Variants in S100Z observed in about 807,000 individuals in gnomAD.
The protein encoded by S100Z is protein S100-Z.
In S100Z, 11 loss-of-function variants were observed where a neutral mutation model predicts 8.5. The ratio of observed to expected loss-of-function variants is 1.30; its 90% CI spans 0.82 to 2.15. The LOEUF is 2.15. S100Z is among the 30% of genes most tolerant of loss of function. The probability of loss-of-function intolerance (pLI) is 0.00; values close to 1 mark genes in which losing one functional copy is unlikely to be tolerated. For missense variants in S100Z, 126 were observed against 117.9 expected (o/e 1.07, Z -0.32); for synonymous variants, 34 against 43.8 (o/e 0.78, Z 0.89).
At chr5:76,906,972 GTGTGTA>G (rs1278599842) in intron 4 of S100Z, among the ~76,000 whole-genome samples, 15 of 30,448 alleles carry the variant, frequency 4.9e-4, no homozygotes, top group African/African-American at 1.8e-3. Flanking sequence ...TCCATTGTGT[GTGTGTA>G]TATATATATA....
At chr5:76,924,864 G>A (rs912894136), downstream of S100Z, among the ~76,000 whole-genome samples, 39 of 151,668 alleles carry the variant, frequency 2.6e-4, no homozygotes, top group African/African-American at 9.2e-4. Flanking sequence ...GGTGAGCCAA[G>A]ATGGCGCCAC....
downstream of S100Z, among the ~76,000 whole-genome samples, chr5:76,922,669 A>G (rs930715272): frequency 5.3e-5 from 8 of 152,094 alleles, no homozygotes; most frequent in Middle Eastern, 3.4e-3. Context: ...GACTACAGGC[A>G]CCCGCTACCA....
chr5:76,866,890 A>G (rs560682054), intron 1 of S100Z, among the ~76,000 whole-genome samples: 1 of 152,342 alleles, frequency 6.6e-6, no homozygotes, highest in South Asian at 2.1e-4. Flanking sequence ...TATCCATTAC[A>G]GCATATGTAT....
chr5:76,930,750 T>C, the S100Z span, among the ~76,000 whole-genome samples: 68 of 152,274 alleles, frequency 4.5e-4, no homozygotes, highest in African/African-American at 1.5e-3. Flanking sequence ...TCAGCACTGA[T>C]GTTTTTGAGG....
intron 4 of S100Z, among the ~76,000 whole-genome samples, chr5:76,895,360 A>C (rs1743999413): frequency 6.6e-6 from 1 of 152,192 alleles, no homozygotes. Flanking sequence ...AATTATCTAA[A>C]GGAGGAGTTA....
At chr5:76,940,827 T>G in the S100Z span, among the ~76,000 whole-genome samples, 47 of 152,354 alleles carry the variant, frequency 3.1e-4, 1 homozygote, top group South Asian at 9.3e-3. Flanking sequence ...AGATACTCCA[T>G]TACATTTGCT....
intron 4 of S100Z, among the ~76,000 whole-genome samples, chr5:76,913,529 A>T (rs1744741018): frequency 1.3e-5 from 2 of 152,238 alleles, no homozygotes; most frequent in Admixed American, 1.3e-4. Context: ...ATATGGACTG[A>T]ACAAGGTTTT....
intron 1 of S100Z, among the ~76,000 whole-genome samples, chr5:76,862,869 C>A (rs1751106277): frequency 6.6e-6 from 1 of 152,132 alleles, no homozygotes; most frequent in Non-Finnish European, 1.5e-5. Flanking sequence ...GAGCTGCTTG[C>A]TCAAGTTCAC....
the S100Z span, among the ~76,000 whole-genome samples, chr5:76,942,445 C>CAAAAAAAAAAAA: frequency 7.1e-4 from 52 of 72,740 alleles, no homozygotes; most frequent in East Asian, 9.7e-4. Context: ...AAAAAAAAAG[C>CAAAAAAAAAAAA]AAAAACCTCT....
At chr5:76,885,665 T>G (rs1743592112) in intron 4 of S100Z, among the ~76,000 whole-genome samples, 1 of 141,658 alleles carries the variant, frequency 7.1e-6, no homozygotes, top group Non-Finnish European at 1.5e-5. Context: ...GGGAGGTGCT[T>G]GCCCCCCAGG....
intron 4 of S100Z, among the ~76,000 whole-genome samples, chr5:76,901,971 C>G (rs1405821792): frequency 1.3e-5 from 2 of 152,080 alleles, no homozygotes; most frequent in Non-Finnish European, 2.9e-5. Flanking sequence ...GCAGCAGGTT[C>G]CCTCCTGGCC....
chr5:76,882,963 C>T (rs527527958), intron 4 of S100Z, among the ~76,000 whole-genome samples: 5 of 152,192 alleles, frequency 3.3e-5, no homozygotes, highest in African/African-American at 1.2e-4. Flanking sequence ...ATAGGCAAGA[C>T]AATTTGGTTG....
the S100Z span, among the ~76,000 whole-genome samples, chr5:76,932,834 G>A: frequency 1.3e-5 from 2 of 152,084 alleles, no homozygotes; most frequent in Admixed American, 1.3e-4. Context: ...GATGGGATTT[G>A]GGAAGAAAGA....
At chr5:76,940,557 C>T in the S100Z span, among the ~76,000 whole-genome samples, 1 of 152,056 alleles carries the variant, frequency 6.6e-6, no homozygotes, top group East Asian at 1.9e-4. Flanking sequence ...GGATTACAGG[C>T]ATCTGCCACC....
chr5:76,872,464 C>A (rs1743045439), intron 2 of S100Z, among the ~76,000 whole-genome samples: 1 of 151,794 alleles, frequency 6.6e-6, no homozygotes, highest in South Asian at 2.1e-4. Flanking sequence ...GAGTTTGACA[C>A]CAGCCTGGGA....
At chr5:76,867,403 C>T (rs1385790369) in intron 1 of S100Z, among the ~76,000 whole-genome samples, 1 of 152,214 alleles carries the variant, frequency 6.6e-6, no homozygotes, top group Non-Finnish European at 1.5e-5. Flanking sequence ...GGCTCAGACA[C>T]TCTGGGGGTA....
intron 3 of S100Z, among the ~76,000 whole-genome samples, chr5:76,876,071 T>C (rs1232221410): frequency 6.6e-6 from 1 of 152,188 alleles, no homozygotes; most frequent in Non-Finnish European, 1.5e-5. Flanking sequence ...GAGAGATTAA[T>C]ATATGAAGCC....
chr5:76,859,331 C>T (rs550198431), intron 1 of S100Z, among the ~76,000 whole-genome samples: 8 of 152,244 alleles, frequency 5.3e-5, no homozygotes, highest in Middle Eastern at 3.4e-3. Flanking sequence ...ACAACTATGT[C>T]TGAACTGCTG....
the S100Z span, among the ~76,000 whole-genome samples, chr5:76,930,658 C>T: frequency 1.3e-5 from 2 of 152,166 alleles, no homozygotes; most frequent in South Asian, 4.1e-4. Flanking sequence ...AGCTTGTCAG[C>T]TGGGGCTGCT....
Sources: allele counts gnomAD v4.1 joint callset (sites outside exome capture counted in the v4.1 genomes callset), GRCh38; gene constraint gnomAD v4.1.1; transcripts MANE v1.5; gene names NCBI Gene and HGNC (gene_info 2026-07-23, HGNC 2026-07-21).